ARNT2: variants seen among roughly 807,000 people sequenced by gnomAD.
ARNT2 encodes the protein ARNT protein 2.
In ARNT2, 36 loss-of-function variants were observed where a neutral mutation model predicts 91.7. The observed-to-expected ratio is 0.39, with a 90% CI of 0.30 to 0.52. The LOEUF is 0.52. Ranked by LOEUF, ARNT2 falls within the 20% of genes least tolerant of loss-of-function variation. The pLI is 0.72. For synonymous variants in ARNT2, 365 were observed against 347.1 expected (o/e 1.05, Z -0.57); for missense variants, 775 against 939.3 (o/e 0.83, Z 2.29).
chr15:80,494,847 A>G (rs1345177213), intron 5 of ARNT2, among the ~76,000 whole-genome samples: 1 of 152,114 alleles, frequency 6.6e-6, no homozygotes, highest in Non-Finnish European at 1.5e-5. Context: ...TTCATTGCTC[A>G]TGAGATGATG....
intron 3 of ARNT2, among the ~76,000 whole-genome samples, chr15:80,465,758 G>T (rs1896643340): frequency 6.6e-6 from 1 of 152,174 alleles, no homozygotes; most frequent in Non-Finnish European, 1.5e-5. Flanking sequence ...TTATGTCGTG[G>T]CTCCTCTCAG....
intron 12 of ARNT2, among the ~76,000 whole-genome samples, chr15:80,566,861 T>C (rs573377421): frequency 7.7e-4 from 117 of 152,360 alleles, no homozygotes; most frequent in African/African-American, 2.7e-3. Context: ...GGAACAAATG[T>C]ACTAAGTCAT....
intron 5 of ARNT2, among the ~76,000 whole-genome samples, chr15:80,500,479 T>C (rs1897176313): frequency 6.6e-6 from 1 of 152,250 alleles, no homozygotes; most frequent in Non-Finnish European, 1.5e-5. Flanking sequence ...ATAATTCTAA[T>C]TTATATTTGT....
At chr15:80,532,363 C>G (rs559400219) in intron 8 of ARNT2, among the ~76,000 whole-genome samples, 1 of 152,260 alleles carries the variant, frequency 6.6e-6, no homozygotes, top group South Asian at 2.1e-4. Flanking sequence ...TGACCATTTT[C>G]TCTTTAAAGG....
intron 17 of ARNT2, among the ~76,000 whole-genome samples, chr15:80,582,055 G>A (rs1230231902): frequency 6.6e-6 from 1 of 152,206 alleles, no homozygotes; most frequent in Admixed American, 6.5e-5. Flanking sequence ...AGGTCACTGG[G>A]TGACACCCAG....
intron 1 of ARNT2, among the ~76,000 whole-genome samples, chr15:80,429,374 A>AT (rs1235870539): frequency 6.6e-6 from 1 of 152,218 alleles, no homozygotes; most frequent in African/African-American, 2.4e-5. Flanking sequence ...TGGAACCTAC[A>AT]TAAAAACCCC....
intron 1 of ARNT2, among the ~76,000 whole-genome samples, chr15:80,432,295 T>C (rs1896022972): frequency 6.6e-6 from 1 of 152,212 alleles, no homozygotes; most frequent in African/African-American, 2.4e-5. Flanking sequence ...CTTCTTGAAT[T>C]TTCTGGGACC....
intron 11 of ARNT2, chr15:80,556,261 G>T (rs1186141670): frequency 6.6e-6 from 1 of 152,394 alleles, no homozygotes; most frequent in Non-Finnish European, 1.5e-5. Flanking sequence ...TCCAGCCTGG[G>T]CGACGAGCAA....
At chr15:80,586,318 T>C (rs746737471) in intron 17 of ARNT2, among the ~76,000 whole-genome samples, 138 of 152,154 alleles carry the variant, frequency 9.1e-4, no homozygotes, top group Non-Finnish European at 1.4e-3. Flanking sequence ...AGCATGTCCA[T>C]AGCTCCTTGT....
chr15:80,506,435 C>T (rs760724277), intron 5 of ARNT2, among the ~76,000 whole-genome samples: 3 of 152,154 alleles, frequency 2.0e-5, no homozygotes, highest in Non-Finnish European at 2.9e-5. Context: ...TAAAAGGAAA[C>T]ATCAGAGGTT....
At chr15:80,492,651 C>T (rs1033942827) in intron 5 of ARNT2, among the ~76,000 whole-genome samples, 2 of 152,026 alleles carry the variant, frequency 1.3e-5, no homozygotes, top group Non-Finnish European at 2.9e-5. Context: ...TAGCCTTTTG[C>T]ATATTATATT....
chr15:80,545,580 G>T (rs975134935), intron 8 of ARNT2, among the ~76,000 whole-genome samples: 3 of 152,220 alleles, frequency 2.0e-5, no homozygotes, highest in African/African-American at 7.2e-5. Flanking sequence ...GACAGGTTTG[G>T]TGTCCATTGA....
intron 1 of ARNT2, among the ~76,000 whole-genome samples, chr15:80,449,043 A>T (rs1896348636): frequency 6.6e-6 from 1 of 152,216 alleles, no homozygotes; most frequent in African/African-American, 2.4e-5. Context: ...TGCTTAGAAC[A>T]TTAGCTGAGC....
intron 12 of ARNT2, 71 bp from the exon 13 acceptor site, chr15:80,574,077 A>G (rs2141475927): frequency 7.5e-7 from 1 of 1,335,352 alleles, no homozygotes; most frequent in Non-Finnish European, 1.1e-6. Flanking sequence ...AGGTATGGGA[A>G]AAGTCCTGGC....
intron 1 of ARNT2, among the ~76,000 whole-genome samples, chr15:80,448,023 T>G (rs1428834891): frequency 6.6e-6 from 1 of 152,224 alleles, no homozygotes; most frequent in Non-Finnish European, 1.5e-5. Context: ...CAAGCAAGAT[T>G]GCTTACCATC....
intron 5 of ARNT2, among the ~76,000 whole-genome samples, chr15:80,489,283 C>A (rs1453267897): frequency 6.6e-6 from 1 of 152,250 alleles, no homozygotes; most frequent in Non-Finnish European, 1.5e-5. Flanking sequence ...TAGCACTGAT[C>A]TTTCCTGTTT....
chr15:80,431,567 A>G lies in ARNT2; in HGVS notation c.32-19313A>G, dbSNP rs1041753991. Among the ~76,000 whole-genome samples the G allele has an allele frequency of 8.6e-5, 13 of 152,006 alleles. 1 individual carries two copies. The highest frequency in any genetic ancestry group is 7.2e-4 in the Admixed American group (11 of 15,268). ...ATTCCCGGATGGGCCGTAGTAGGGG[A>G]GTGGGCCGGAAGATAGTCTGAAGCG... On this transcript the variant is annotated intron_variant, in intron 1 of 18. Coordinates refer to ENST00000303329, the MANE Select transcript of ARNT2 (RefSeq NM_014862.4).
intron 8 of ARNT2, among the ~76,000 whole-genome samples, chr15:80,545,161 CAGG>C (rs1377079462): frequency 1.3e-5 from 2 of 152,228 alleles, no homozygotes; most frequent in Admixed American, 1.3e-4. Flanking sequence ...ATCTACTGAG[CAGG>C]AGAACACCTT....
At chr15:80,457,075 A>C (rs1896491634) in intron 2 of ARNT2, among the ~76,000 whole-genome samples, 1 of 152,306 alleles carries the variant, frequency 6.6e-6, no homozygotes, top group South Asian at 2.1e-4. Flanking sequence ...CTCTGGGTAC[A>C]CTTGACACCA....
Sources: gnomAD v4.1 joint callset for allele counts (sites outside exome capture counted in the v4.1 genomes callset) on GRCh38, gnomAD v4.1.1 for gene constraint, MANE v1.5 for transcripts, NCBI Gene and HGNC (gene_info 2026-07-23, HGNC 2026-07-21) for gene names.